Variants in COL6A6 observed in about 807,000 individuals in gnomAD.
COL6A6 encodes collagen type VI alpha 6 chain, also known as collagen alpha-6(VI) chain.
COL6A6 carries 183 observed loss-of-function variants against 208.6 expected under a neutral mutation model. That is an observed-to-expected ratio of 0.88 (90% CI 0.78 to 0.99). The LOEUF (loss-of-function observed/expected upper bound fraction) is 0.99, where lower values mean the gene tolerates loss of function less well. Among genes scored for constraint, COL6A6 ranks in the 50% least tolerant of loss-of-function variants. The probability of loss-of-function intolerance (pLI) is 0.00; values close to 1 mark genes in which losing one functional copy is unlikely to be tolerated. For missense variants in COL6A6, 2,816 were observed against 2,815.2 expected (o/e 1.00, Z -0.01); for synonymous variants, 973 against 1,011.8 (o/e 0.96, Z 0.73).
chr3:130,645,401 C>T lies in COL6A6; in HGVS notation c.5239+399C>T, dbSNP rs145919389. 3.5e-3 allele frequency among the ~76,000 whole-genome samples: 530 copies of T among 152,130 alleles called. 3 individuals are homozygous for T. The highest frequency in any genetic ancestry group is 0.012 in the African/African-American group (493 of 41,500). The stretch of plus-strand genomic sequence containing the variant: ...CAAGTGATCCTTCCACTTCAACCTC[C>T]GGAGTAGTTGGGACTACAGGCACAT... On this transcript the variant is annotated intron_variant, in intron 32 of 36. Transcript: ENST00000358511.
At chr3:130,664,120 A>G (rs1363301011) in intron 35 of COL6A6, among the ~76,000 whole-genome samples, 1 of 152,196 alleles carries the variant, frequency 6.6e-6, no homozygotes, top group Non-Finnish European at 1.5e-5. Flanking sequence ...TTATTTAAAT[A>G]TACTGTTATA....
intron 24 of COL6A6, among the ~76,000 whole-genome samples, chr3:130,623,499 G>A (rs2064797544): frequency 6.6e-6 from 1 of 152,180 alleles, no homozygotes; most frequent in Non-Finnish European, 1.5e-5. Context: ...ATGAAAGCTA[G>A]GAGAACAGTT....
chr3:130,534,500 T>A (rs58369078), intron 1 of COL6A6, among the ~76,000 whole-genome samples: 2 of 152,214 alleles, frequency 1.3e-5, no homozygotes, highest in African/African-American at 4.8e-5. Flanking sequence ...TTATACTTAC[T>A]GTATTTTCAT....
At chr3:130,602,252 C>T (rs1292469309) in intron 20 of COL6A6, among the ~76,000 whole-genome samples, 4 of 152,116 alleles carry the variant, frequency 2.6e-5, no homozygotes, top group East Asian at 1.9e-4. Context: ...AGAAATCATT[C>T]GTTTGATGAG....
At chr3:130,643,160 C>G in intron 31 of COL6A6, 137 bp downstream of exon 31, 1 of 879,706 alleles carries the variant, frequency 1.1e-6, no homozygotes, top group South Asian at 1.6e-5. Flanking sequence ...TTTGAGTCAG[C>G]ATAGACTGGT....
intron 34 of COL6A6, among the ~76,000 whole-genome samples, chr3:130,661,062 T>A (rs1275190676): frequency 2.6e-5 from 4 of 152,238 alleles, no homozygotes; most frequent in African/African-American, 9.6e-5. Context: ...CATTAATATC[T>A]AATATTCATT....
intron 8 of COL6A6, among the ~76,000 whole-genome samples, chr3:130,576,820 C>T (rs2063309373): frequency 2.0e-5 from 3 of 152,140 alleles, no homozygotes; most frequent in Admixed American, 2.0e-4. Context: ...TTAGGGGATG[C>T]CAGTTCTTTT....
chr3:130,591,641 G>A lies in COL6A6; in HGVS notation c.4272+547G>A, dbSNP rs183590267. ...TCAGATACTTAACAAATATTTGTAG[G>A]CTTCAGCAATAAGAAAAATAAAAGG... On this transcript the variant is annotated intron_variant, in intron 13 of 36. Coordinates refer to ENST00000358511, the MANE Select transcript of COL6A6 (RefSeq NM_001102608.3). 7.4e-4 allele frequency among the ~76,000 whole-genome samples: 112 copies of A among 152,272 alleles called. 1 individual carries two copies. In the Middle Eastern group the frequency reaches 0.017, roughly 23 times the overall value.
intron 1 of COL6A6, among the ~76,000 whole-genome samples, chr3:130,547,519 T>C (rs1559973639): frequency 6.6e-6 from 1 of 152,166 alleles, no homozygotes; most frequent in African/African-American, 2.4e-5. Flanking sequence ...TATAGTGCAG[T>C]GGCGGGCTGA....
chr3:130,531,510 A>C (rs1415260155), intron 1 of COL6A6, among the ~76,000 whole-genome samples: 1 of 152,152 alleles, frequency 6.6e-6, no homozygotes, highest in African/African-American at 2.4e-5. Context: ...CACATAGCCT[A>C]CATTCTCTTC....
chr3:130,575,107 A>G (rs1212254948), intron 8 of COL6A6, among the ~76,000 whole-genome samples: 2 of 152,150 alleles, frequency 1.3e-5, no homozygotes, highest in Admixed American at 6.5e-5. Flanking sequence ...TTATGATTCT[A>G]TATAACTACC....
chr3:130,648,670 TTAC>T lies in COL6A6; in HGVS notation c.5240-398_5240-396del, dbSNP rs200780336. ...CACAGCCTTTCCTTTTTAACTCTTA[TTAC>T]ATTTCCTTATTAAGTAAAAAAAGAA... On this transcript the variant is annotated intron_variant, in intron 32 of 36. Coordinates refer to ENST00000358511, the MANE Select transcript of COL6A6 (RefSeq NM_001102608.3). Among the ~76,000 whole-genome samples the T allele has an allele frequency of 7.1e-3, 1,080 of 152,330 alleles. 8 individuals carry two copies. Among genetic ancestry groups the T allele is most frequent in the Non-Finnish European group, 8.6e-3 (583 of 68,034 alleles).
intron 23 of COL6A6, 146 bp from the exon 24 acceptor site, chr3:130,621,675 G>T: frequency 3.5e-6 from 2 of 568,296 alleles, no homozygotes; most frequent in South Asian, 2.8e-5. Flanking sequence ...TTATTTGATG[G>T]TGGCAATACT....
rs763710262 is a variant in COL6A6 at position 130,675,195 on chromosome 3, T to A, written c.6597-7T>A. The A allele has an allele frequency of 1.3e-6, 2 of 1,526,776 alleles. No individual in the cohort carries two copies. Among genetic ancestry groups the A allele is most frequent in the Non-Finnish European group, 1.8e-6 (2 of 1,134,704 alleles). The allele number at this position is 1,526,776 out of a possible 1,614,324, so 94.6% of individuals were successfully genotyped here. ...TATCTTCTATGATGTTCTCTTTTGT[T>A]GTATAGCTTTGTTCCTGGACCACTT... On this transcript the variant is annotated splice_region_variant and splice_polypyrimidine_tract_variant and intron_variant, in intron 36 of 36. Transcript: ENST00000358511.
chr3:130,615,089 C>G (rs1157363299), intron 23 of COL6A6, among the ~76,000 whole-genome samples: 2 of 151,884 alleles, frequency 1.3e-5, no homozygotes, highest in African/African-American at 4.8e-5. Flanking sequence ...ATAAACTTCC[C>G]TCTTAACACT....
chr3:130,598,079 G>T (rs972101837), intron 18 of COL6A6, among the ~76,000 whole-genome samples: 1 of 152,160 alleles, frequency 6.6e-6, no homozygotes, highest in Non-Finnish European at 1.5e-5. Context: ...GGTAAGAGTT[G>T]CCATGCACAT....
intron 31 of COL6A6, among the ~76,000 whole-genome samples, chr3:130,643,347 A>C (rs2065372833): frequency 6.6e-6 from 1 of 152,220 alleles, no homozygotes; most frequent in Admixed American, 6.5e-5. Context: ...GATGATTATT[A>C]ATGCCTGACA....
chr3:130,565,799 A>G (rs981680517), intron 4 of COL6A6, among the ~76,000 whole-genome samples, 185 bp downstream of exon 4: 5 of 152,222 alleles, frequency 3.3e-5, no homozygotes, highest in African/African-American at 9.6e-5. Flanking sequence ...AGGTGTTGGC[A>G]TGGGGAGAAG....
At chr3:130,641,611 T>C (rs776690977) in intron 28 of COL6A6, 41 bp from the exon 29 acceptor site, 1 of 1,047,028 alleles carries the variant, frequency 9.6e-7, no homozygotes, top group South Asian at 1.5e-5. Context: ...CACACATACA[T>C]ATATGTATAA....
Sources: gnomAD v4.1 joint callset for allele counts (sites outside exome capture counted in the v4.1 genomes callset) on GRCh38, gnomAD v4.1.1 for gene constraint, MANE v1.5 for transcripts, NCBI Gene and HGNC (gene_info 2026-07-23, HGNC 2026-07-21) for gene names.